Variants in KCNAB2 observed in about 807,000 individuals in gnomAD.
KCNAB2 encodes the protein potassium voltage-gated channel subfamily A regulatory beta subunit 2, also known as voltage-gated potassium channel subunit beta-2.
Under a neutral mutation model 63.6 loss-of-function variants are expected in KCNAB2, and 29 were observed. The observed-to-expected ratio is 0.46, with a 90% CI of 0.34 to 0.62. The LOEUF is 0.62. KCNAB2 is among the 20% of genes least tolerant of loss of function. The probability of loss-of-function intolerance (pLI) is 0.01; values close to 1 mark genes in which losing one functional copy is unlikely to be tolerated. For synonymous variants in KCNAB2, 222 were observed against 224.2 expected, an observed-to-expected ratio of 0.99 and a Z score of 0.09; for missense variants, 359 against 563.9, an observed-to-expected ratio of 0.64 and a Z score of 3.68.
chr1:6,095,453 C>T lies in KCNAB2; in HGVS notation c.853+10C>T, dbSNP rs779926307. 6.2e-7 allele frequency: 1 copy of T among 1,612,718 alleles called. No homozygotes were observed. The highest frequency in any genetic ancestry group is 1.1e-5 in the South Asian group (1 of 91,076). On this transcript the variant is annotated intron_variant, in intron 12 of 15. Coordinates refer to ENST00000378083, the MANE Select transcript of KCNAB2 (RefSeq NM_001199862.2). The stretch of plus-strand genomic sequence containing the variant: ...CTGTTCCACAAGATAGGTGGGCACC[C>T]TCGGGCCCCTCGCCCCGCCCCACCC...
chr1:6,007,323 C>T, intron 1 of KCNAB2: 1 of 152,286 alleles, frequency 6.6e-6, no homozygotes, highest in East Asian at 1.9e-4. Flanking sequence ...GTGGCCACCC[C>T]ATGTAAAGCA....
chr1:6,076,037 CAG>C (rs1457789158), intron 4 of KCNAB2, among the ~76,000 whole-genome samples: 5 of 152,270 alleles, frequency 3.3e-5, no homozygotes, highest in Non-Finnish European at 7.3e-5. Context: ...GTAATTGCAA[CAG>C]AGACTCTCTG....
At chr1:6,072,703 C>T (rs1663310439) in intron 2 of KCNAB2, 52 bp from the exon 3 acceptor site, 1 of 1,601,254 alleles carries the variant, frequency 6.2e-7, no homozygotes. Context: ...CTGAGCCTGG[C>T]TGGCAGGGTC....
At position 6,035,751 on chromosome 1, in the gene KCNAB2, G is replaced by GCA; in HGVS notation, c.-53+957_-53+958insCA. Among the ~76,000 whole-genome samples the GCA allele has an allele frequency of 6.6e-6, 1 of 152,118 alleles. No individual in the cohort carries two copies. The highest frequency in any genetic ancestry group is 1.5e-5 in the Non-Finnish European group (1 of 68,006). On this transcript the variant is annotated intron_variant, in intron 1 of 15. Transcript: ENST00000164247. This position sits in a 1 kb window ranked among gnomAD's most constrained non-coding sequence, Gnocchi z 5.0. The stretch of plus-strand genomic sequence containing the variant: ...GGAAATAAACAGCTCTGGGGTTCAG[G>GCA]GGAGTGGTAGAGGGGGTGGGGTCTG...
intron 1 of KCNAB2, among the ~76,000 whole-genome samples, chr1:6,038,344 G>A (rs1311726180): frequency 4.6e-5 from 7 of 152,132 alleles, no homozygotes; most frequent in African/African-American, 1.4e-4. Context: ...AGGCTGGAGT[G>A]CAGTGACACG....
At position 6,071,236 on chromosome 1, in the gene KCNAB2, C is replaced by T. The variant is rs562523547; in HGVS notation, c.219-1519C>T. Among the ~76,000 whole-genome samples, 1 of 152,310 alleles carries T rather than the reference C, an allele frequency of 6.6e-6. No homozygotes were observed. The highest frequency in any genetic ancestry group is 2.4e-5 in the African/African-American group (1 of 41,580). On this transcript the variant is annotated intron_variant, in intron 2 of 15. Coordinates refer to ENST00000378083, the MANE Select transcript of KCNAB2 (RefSeq NM_001199862.2). The surrounding 1 kb of genome is among the most constrained non-coding windows in gnomAD (Gnocchi z 8.5). ...GAAAGAGGATAAACTGAGGACATCGCATCCTCCGAAGTTGGAAGTGTCATG... is the reference window on the plus strand; with the variant it reads ...GAAAGAGGATAAACTGAGGACATCGTATCCTCCGAAGTTGGAAGTGTCATG...
intron 1 of KCNAB2, among the ~76,000 whole-genome samples, chr1:6,017,620 C>T (rs908383169): frequency 6.6e-6 from 1 of 151,946 alleles, no homozygotes; most frequent in African/African-American, 2.4e-5. Context: ...ATAGTGAAAC[C>T]CCATTGTAAA....
chr1:6,010,166 C>T (rs546463302), intron 1 of KCNAB2, among the ~76,000 whole-genome samples: 28 of 152,280 alleles, frequency 1.8e-4, no homozygotes, highest in Non-Finnish European at 2.9e-4. Context: ...TGTGAGCCAC[C>T]GTGTCCAGTC....
intron 1 of KCNAB2, among the ~76,000 whole-genome samples, chr1:6,008,906 G>T (rs806112): frequency 2.6e-5 from 4 of 152,298 alleles, no homozygotes; most frequent in Non-Finnish European, 5.9e-5. Context: ...TGGCCTGGGC[G>T]GAGAGTGAGA....
intron 1 of KCNAB2, among the ~76,000 whole-genome samples, chr1:6,008,622 C>CA (rs141192143): frequency 0.92 from 127,061 of 137,854 alleles, 58,580 homozygotes; most frequent in East Asian, 0.99. Context: ...GAGACTGTCT[C>CA]AAAAAAAAAA....
chr1:6,092,591 A>G (rs1350527933), intron 10 of KCNAB2, among the ~76,000 whole-genome samples: 7 of 152,254 alleles, frequency 4.6e-5, no homozygotes, highest in African/African-American at 1.2e-4. Context: ...GAGTGTTTCT[A>G]AAAAACCACA....
intron 2 of KCNAB2, among the ~76,000 whole-genome samples, chr1:6,063,963 C>T (rs559503015): frequency 7.9e-5 from 12 of 152,308 alleles, no homozygotes; most frequent in African/African-American, 1.9e-4. Flanking sequence ...CTGAAAGTCT[C>T]GTGAGTCTCC....
In KCNAB2 at chr1:6,087,503, G is replaced by C. The variant is rs1208608180; in HGVS notation, c.462G>C (p.Trp154Cys). 1.9e-6 allele frequency: 3 copies of C among 1,614,026 alleles called. No homozygotes were observed. The highest frequency in any genetic ancestry group is 2.5e-6 in the Non-Finnish European group (3 of 1,180,018). ...SSLVITTKIFWGGKAETERGL... is the reference protein window; with the variant it reads ...SSLVITTKIFCGGKAETERGL... ...TCGTCATCACCACCAAGATCTTCTG[G>C]GGCGGAAAGTAGGTGCAACAGCTGG... The change falls in exon 7 of 16, where the codon TGG (tryptophan) becomes TGC (cysteine). Residue 154 changes from tryptophan to cysteine, a missense_variant. Trp to Cys is a radical substitution (Grantham distance 215). Coordinates refer to ENST00000378083, the MANE Select transcript of KCNAB2 (RefSeq NM_001199862.2). The surrounding 1 kb of genome is among the most constrained non-coding windows in gnomAD (Gnocchi z 6.4).
intron 10 of KCNAB2, among the ~76,000 whole-genome samples, chr1:6,092,897 TC>T (rs1269360657): frequency 2.0e-5 from 3 of 152,088 alleles, no homozygotes; most frequent in Non-Finnish European, 4.4e-5. Context: ...TTGCCAGGGG[TC>T]CTGGGTGAGT....
At chr1:6,019,594 C>T (rs1658704596) in intron 1 of KCNAB2, among the ~76,000 whole-genome samples, 1 of 152,208 alleles carries the variant, frequency 6.6e-6, no homozygotes, top group Non-Finnish European at 1.5e-5. Context: ...CACTGGAGCA[C>T]CGGACTCCCT....
At chr1:6,050,887 C>T (rs114028983) in intron 1 of KCNAB2, among the ~76,000 whole-genome samples, 387 of 152,330 alleles carry the variant, frequency 2.5e-3, no homozygotes, top group Admixed American at 4.3e-3. Flanking sequence ...TGCAATGATG[C>T]GTTCAACAAG....
intron 1 of KCNAB2, among the ~76,000 whole-genome samples, chr1:5,998,054 C>T (rs1657035189): frequency 1.3e-5 from 2 of 152,182 alleles, no homozygotes; most frequent in African/African-American, 2.4e-5. Context: ...TGACCTGGAC[C>T]TTGAAAGACA....
upstream of KCNAB2, among the ~76,000 whole-genome samples, chr1:6,032,065 A>T (rs1659665314): frequency 1.3e-5 from 2 of 152,140 alleles, no homozygotes; most frequent in Admixed American, 1.3e-4. Flanking sequence ...TATGGCTTTG[A>T]TGACAGTTCA....
chr1:6,020,767 A>G (rs1036705861), intron 1 of KCNAB2, among the ~76,000 whole-genome samples: 1 of 152,160 alleles, frequency 6.6e-6, no homozygotes, highest in African/African-American at 2.4e-5. Context: ...CCTGGATTCA[A>G]GTGATTCTCT....
Sources: allele counts gnomAD v4.1 joint callset (sites outside exome capture counted in the v4.1 genomes callset), GRCh38; gene constraint gnomAD v4.1.1; non-coding constraint Gnocchi (gnomAD v3.1); transcripts MANE v1.5; gene names NCBI Gene and HGNC (gene_info 2026-07-23, HGNC 2026-07-21).